EXOC4: variants seen among roughly 807,000 people sequenced by gnomAD.
The protein encoded by EXOC4 is SEC8-like 1.
EXOC4 carries 71 observed loss-of-function variants against 107.2 expected under a neutral mutation model. The ratio of observed to expected loss-of-function variants is 0.66; its 90% CI spans 0.55 to 0.81. EXOC4 has a LOEUF of 0.81. EXOC4 is among the 30% of genes least tolerant of loss of function. The pLI is 0.00. For synonymous variants in EXOC4, 456 were observed against 441.2 expected, an observed-to-expected ratio of 1.03 and a Z score of -0.42; for missense variants, 1,108 against 1,189.6, an observed-to-expected ratio of 0.93 and a Z score of 1.01.
intron 8 of EXOC4, chr7:133,479,200 T>C (rs1799094309): frequency 6.6e-6 from 1 of 152,212 alleles, no homozygotes; most frequent in African/African-American, 2.4e-5. Flanking sequence ...GGATCTCTTA[T>C]CACATCAAAG....
At chr7:133,522,913 T>C (rs1368010172) in intron 9 of EXOC4, among the ~76,000 whole-genome samples, 2 of 152,180 alleles carry the variant, frequency 1.3e-5, no homozygotes, top group Admixed American at 6.5e-5. Flanking sequence ...TGGTTTGTTT[T>C]TAACTCTTAC....
chr7:133,732,973 G>T (rs1795360263), intron 10 of EXOC4: 2 of 160,402 alleles, frequency 1.2e-5, no homozygotes, highest in South Asian at 3.3e-4. Flanking sequence ...TCACTGGTAG[G>T]ATCCATGCCA....
intron 11 of EXOC4, among the ~76,000 whole-genome samples, chr7:133,871,434 T>C (rs1487575755): frequency 6.6e-6 from 1 of 152,164 alleles, no homozygotes; most frequent in Non-Finnish European, 1.5e-5. Context: ...TGAGTGATTG[T>C]GAGCCACACC....
chr7:133,758,489 C>T (rs1795964765), intron 10 of EXOC4, among the ~76,000 whole-genome samples: 1 of 152,114 alleles, frequency 6.6e-6, no homozygotes, highest in South Asian at 2.1e-4. Flanking sequence ...CTTATGATAT[C>T]CCAGGCCCTA....
At chr7:133,699,518 C>T (rs1339312072) in intron 10 of EXOC4, among the ~76,000 whole-genome samples, 2 of 152,118 alleles carry the variant, frequency 1.3e-5, no homozygotes, top group African/African-American at 2.4e-5. Context: ...AGCATCAGTT[C>T]GTTAGTGGAA....
At chr7:134,023,445 A>G (rs1237919335) in intron 17 of EXOC4, among the ~76,000 whole-genome samples, 1 of 152,086 alleles carries the variant, frequency 6.6e-6, no homozygotes, top group African/African-American at 2.4e-5. Flanking sequence ...TTACTTTATT[A>G]TTTTTAATAT....
At chr7:134,006,150 C>T (rs1448516155) in intron 16 of EXOC4, among the ~76,000 whole-genome samples, 1 of 151,940 alleles carries the variant, frequency 6.6e-6, no homozygotes, top group Non-Finnish European at 1.5e-5. Flanking sequence ...TCTTCCCAGC[C>T]CCTGCATATC....
intron 17 of EXOC4, among the ~76,000 whole-genome samples, chr7:134,023,558 CT>C (rs1795073263): frequency 6.6e-6 from 1 of 152,096 alleles, no homozygotes; most frequent in African/African-American, 2.4e-5. Context: ...TACGAATTAA[CT>C]TTTTCATTTT....
chr7:133,333,788 A>G (rs1795448107), intron 5 of EXOC4, among the ~76,000 whole-genome samples: 1 of 152,154 alleles, frequency 6.6e-6, no homozygotes. Flanking sequence ...CCTTATTTCT[A>G]GCTCTTTTCA....
intron 3 of EXOC4, among the ~76,000 whole-genome samples, chr7:133,300,108 G>C (rs988361710): frequency 1.3e-5 from 2 of 152,072 alleles, no homozygotes; most frequent in Non-Finnish European, 2.9e-5. Context: ...AGGGAGATAG[G>C]GCACCTGAAT....
intron 6 of EXOC4, among the ~76,000 whole-genome samples, chr7:133,358,761 G>A (rs542383811): frequency 7.2e-6 from 1 of 139,670 alleles, no homozygotes; most frequent in Admixed American, 7.7e-5. Context: ...AAAGCACTGT[G>A]TCTTTCATAG....
chr7:133,755,375 C>T (rs566096023), intron 10 of EXOC4, among the ~76,000 whole-genome samples: 1 of 117,706 alleles, frequency 8.5e-6, no homozygotes, highest in Non-Finnish European at 1.8e-5. Flanking sequence ...GACAGAGTCT[C>T]ACCCTGTCAC....
At chr7:133,422,450 T>A (rs1423303350) in intron 7 of EXOC4, among the ~76,000 whole-genome samples, 1 of 152,182 alleles carries the variant, frequency 6.6e-6, no homozygotes, top group Non-Finnish European at 1.5e-5. Flanking sequence ...AAAGAGGGTA[T>A]TGATATTGCT....
chr7:133,696,696 C>A (rs1379911519), intron 10 of EXOC4, among the ~76,000 whole-genome samples: 1 of 152,104 alleles, frequency 6.6e-6, no homozygotes, highest in Non-Finnish European at 1.5e-5. Context: ...TTATTGATTT[C>A]TTATAGCTGC....
intron 5 of EXOC4, among the ~76,000 whole-genome samples, chr7:133,323,365 T>C (rs1795159691): frequency 6.6e-6 from 1 of 152,202 alleles, no homozygotes; most frequent in Admixed American, 6.5e-5. Context: ...AAATAGCTCT[T>C]ACTATTTTGA....
intron 9 of EXOC4, among the ~76,000 whole-genome samples, chr7:133,617,148 A>C (rs1802212478): frequency 6.6e-6 from 1 of 152,172 alleles, no homozygotes; most frequent in Non-Finnish European, 1.5e-5. Context: ...GATAACATTT[A>C]AGGCAAAAGC....
At chr7:133,590,070 A>G (rs1801505102) in intron 9 of EXOC4, among the ~76,000 whole-genome samples, 1 of 151,920 alleles carries the variant, frequency 6.6e-6, no homozygotes, top group South Asian at 2.1e-4. Context: ...ATACCAGGCC[A>G]CCACACACAA....
At chr7:133,459,931 G>A (rs920137508) in intron 7 of EXOC4, among the ~76,000 whole-genome samples, 1 of 152,084 alleles carries the variant, frequency 6.6e-6, no homozygotes, top group Admixed American at 6.5e-5. Flanking sequence ...TTAAATAAAA[G>A]ATCAAAATAA....
At chr7:133,676,511 G>A (rs1794060923) in intron 10 of EXOC4, among the ~76,000 whole-genome samples, 1 of 152,144 alleles carries the variant, frequency 6.6e-6, no homozygotes, top group Admixed American at 6.5e-5. Context: ...CCTTCTGTGA[G>A]TCTTTTCTAG....
Sources: allele counts gnomAD v4.1 joint callset (sites outside exome capture counted in the v4.1 genomes callset), GRCh38; gene constraint gnomAD v4.1.1; transcripts MANE v1.5; gene names NCBI Gene and HGNC (gene_info 2026-07-23, HGNC 2026-07-21).